Variants in ARHGAP29 observed in about 807,000 individuals in gnomAD.
The protein encoded by ARHGAP29 is Rho GTPase activating protein 29, also known as rho GTPase-activating protein 29.
ARHGAP29 carries 43 observed loss-of-function variants against 122.6 expected under a neutral mutation model. The observed-to-expected ratio is 0.35, with a 90% confidence interval of 0.27 to 0.45. The LOEUF (loss-of-function observed/expected upper bound fraction) is 0.45. Ranked by LOEUF, ARHGAP29 falls within the 20% of genes least tolerant of loss-of-function variation. The pLI, the probability that ARHGAP29 is intolerant of heterozygous loss-of-function variation, is 1.00. For missense variants in ARHGAP29, 1,303 were observed against 1,477.2 expected, an observed-to-expected ratio of 0.88 and a Z score of 1.93; for synonymous variants, 506 against 497.1, an observed-to-expected ratio of 1.02 and a Z score of -0.24.
intron 1 of ARHGAP29, among the ~76,000 whole-genome samples, chr1:94,245,193 C>A (rs957450677): frequency 1.3e-5 from 2 of 152,150 alleles, no homozygotes; most frequent in East Asian, 1.9e-4. Context: ...GTTTCTTACA[C>A]AGGAAATGTA....
the ARHGAP29 span, among the ~76,000 whole-genome samples, chr1:94,301,850 ACT>A: frequency 2.7e-4 from 41 of 151,828 alleles, no homozygotes; most frequent in Middle Eastern, 3.4e-3. Context: ...TCTTTCTCTT[ACT>A]CTCTCTCTCT....
At chr1:94,233,858 G>A (rs1653086879) in intron 1 of ARHGAP29, among the ~76,000 whole-genome samples, 1 of 152,186 alleles carries the variant, frequency 6.6e-6, no homozygotes, top group Admixed American at 6.5e-5. Context: ...AATGCTGGGT[G>A]CAACTCACCA....
chr1:94,194,199 G>T (rs948267618), intron 12 of ARHGAP29: 3 of 152,078 alleles, frequency 2.0e-5, no homozygotes, highest in African/African-American at 7.2e-5. Flanking sequence ...AATGCATCTA[G>T]CATTTTCATA....
Position 94,184,136 on chromosome 1 carries a change from G to A in ARHGAP29, c.2247+15C>T. 1 of 1,600,432 alleles carries A rather than the reference G, an allele frequency of 6.2e-7. No homozygotes were observed. Among genetic ancestry groups the A allele is most frequent in the Middle Eastern group, 1.7e-4 (1 of 5,968 alleles). On this transcript the variant is annotated intron_variant, in intron 19 of 22. Coordinates refer to ENST00000260526, the MANE Select transcript of ARHGAP29 (RefSeq NM_004815.4). ...TTTTAATTTAATGGTGGGTTTCAAG[G>A]GTAAAAATTTTTACCTGCCGAAGGT...
At chr1:94,213,444 A>T (rs2101558620) in intron 3 of ARHGAP29, among the ~76,000 whole-genome samples, 1 of 152,278 alleles carries the variant, frequency 6.6e-6, no homozygotes, top group East Asian at 1.9e-4. Flanking sequence ...GGCCTGCCAA[A>T]GTGCTGGGAT....
the ARHGAP29 span, among the ~76,000 whole-genome samples, chr1:94,294,676 C>T: frequency 5.9e-5 from 9 of 152,102 alleles, no homozygotes; most frequent in African/African-American, 9.7e-5. Context: ...ACACTAGTGA[C>T]CACTGGCAGT....
At chr1:94,265,032 T>G (rs752015290) in intron 1 of ARHGAP29, among the ~76,000 whole-genome samples, 2 of 152,178 alleles carry the variant, frequency 1.3e-5, no homozygotes, top group Non-Finnish European at 2.9e-5. Flanking sequence ...AGACTTTGCT[T>G]CAGAATATGA....
At chr1:94,260,996 T>C (rs919312486) in intron 1 of ARHGAP29, among the ~76,000 whole-genome samples, 3 of 152,170 alleles carry the variant, frequency 2.0e-5, no homozygotes, top group Admixed American at 6.5e-5. Context: ...GCCACCTTCC[T>C]AATTCTGCAC....
chr1:94,237,248 T>G (rs1653334737), intron 1 of ARHGAP29, among the ~76,000 whole-genome samples, 167 bp downstream of exon 1: 2 of 152,174 alleles, frequency 1.3e-5, no homozygotes, highest in South Asian at 4.1e-4. Context: ...ACTCCAGTCC[T>G]GGCTCGAGGA....
At chr1:94,187,429 T>A (rs1270275433) in intron 15 of ARHGAP29, among the ~76,000 whole-genome samples, 1 of 152,192 alleles carries the variant, frequency 6.6e-6, no homozygotes, top group Admixed American at 6.5e-5. Flanking sequence ...GACTGATAAA[T>A]CACAAGGTTG....
chr1:94,281,014 G>C, the ARHGAP29 span, among the ~76,000 whole-genome samples: 1 of 152,126 alleles, frequency 6.6e-6, no homozygotes, highest in Non-Finnish European at 1.5e-5. Context: ...ATCACTTCCA[G>C]TGACACAGAA....
At chr1:94,236,921 G>A (rs1368161151) in intron 1 of ARHGAP29, among the ~76,000 whole-genome samples, 4 of 152,168 alleles carry the variant, frequency 2.6e-5, no homozygotes, top group Admixed American at 2.6e-4. Flanking sequence ...ATAGTGATCA[G>A]GAGCACGGAT....
Position 94,220,350 on chromosome 1 carries a change from A to T in ARHGAP29, c.248T>A (p.Leu83His). 6.2e-7 allele frequency: 1 copy of T among 1,611,346 alleles called. No homozygotes were observed. Among genetic ancestry groups the T allele is most frequent in the Non-Finnish European group, 8.5e-7 (1 of 1,177,732 alleles). Residue 83 changes from leucine to histidine, a missense_variant, in exon 3 of 23, where the codon CTC (leucine) becomes CAC (histidine). Physicochemically the swap from Leu to His is moderately conservative, Grantham distance 99. Around this residue, in one of 3 missense-constraint regions of ARHGAP29, gnomAD observed 592 missense variants for 648.2 expected, o/e 0.91. Transcript: ENST00000260526. ...EVIHIRLEEL[L>H]RVLKSIMNKH... ...ATTCATTATAGACTTTAAAACACGGAGCAGTTCCTCTAGACGTATATGAAT... is the reference window on the plus strand; with the variant it reads ...ATTCATTATAGACTTTAAAACACGGTGCAGTTCCTCTAGACGTATATGAAT...
chr1:94,184,785 G>C (rs1253229386), intron 18 of ARHGAP29, 87 bp downstream of exon 18: 2 of 1,127,292 alleles, frequency 1.8e-6, no homozygotes, highest in Non-Finnish European at 2.5e-6. Flanking sequence ...AAACCCCTGA[G>C]CATTATTTTC....
chr1:94,190,359 G>T, intron 12 of ARHGAP29: 1 of 277,196 alleles, frequency 3.6e-6, no homozygotes. Flanking sequence ...TGCCCCAGCT[G>T]GTTCATAATT....
the ARHGAP29 span, among the ~76,000 whole-genome samples, chr1:94,313,362 CT>C: frequency 6.6e-6 from 1 of 152,230 alleles, no homozygotes; most frequent in Admixed American, 6.5e-5. Context: ...ACAATCACCC[CT>C]GCTTTGTTTT....
intron 7 of ARHGAP29, among the ~76,000 whole-genome samples, 168 bp downstream of exon 7, chr1:94,204,893 C>G (rs567846967): frequency 6.6e-6 from 1 of 152,258 alleles, no homozygotes; most frequent in Non-Finnish European, 1.5e-5. Context: ...ACAGTAAATA[C>G]TCACTAATTC....
At chr1:94,210,712 T>G (rs6682149) in intron 3 of ARHGAP29, among the ~76,000 whole-genome samples, 13,590 of 152,212 alleles carry the variant, frequency 0.089, 893 homozygotes, top group African/African-American at 0.18. Flanking sequence ...ATTATACTTC[T>G]ACCTGAAACA....
chr1:94,207,948 C>A (rs1036580498), intron 5 of ARHGAP29, among the ~76,000 whole-genome samples: 1 of 151,794 alleles, frequency 6.6e-6, no homozygotes, highest in Admixed American at 6.6e-5. Flanking sequence ...TCAAGTGAAT[C>A]CCCCCTCTCA....
Sources: gnomAD v4.1 joint callset for allele counts (sites outside exome capture counted in the v4.1 genomes callset) on GRCh38, gnomAD v4.1.1 for gene constraint, gnomAD v4.1.1 regional missense constraint, MANE v1.5 for transcripts, NCBI Gene and HGNC (gene_info 2026-07-23, HGNC 2026-07-21) for gene names.